C16orf96: variants seen among roughly 807,000 people sequenced by gnomAD.
The protein encoded by C16orf96 is chromosome 16 open reading frame 96, also known as uncharacterized protein C16orf96.
Under a neutral mutation model 103.6 loss-of-function variants are expected in C16orf96, and 108 were observed. That is an observed-to-expected ratio of 1.04 (90% confidence interval 0.89 to 1.22). The LOEUF is 1.22. C16orf96 is among the 50% of genes most tolerant of loss of function. The probability of loss-of-function intolerance (pLI) is 0.00; values close to 1 mark genes in which losing one functional copy is unlikely to be tolerated. For missense variants in C16orf96, 1,586 were observed against 1,464.2 expected (o/e 1.08, Z -1.36); for synonymous variants, 566 against 593.5 (o/e 0.95, Z 0.67).
At position 4,600,657 on chromosome 16, in the gene C16orf96, A is replaced by G; in HGVS notation, c.*340A>G. 3.1e-6 allele frequency: 1 copy of G among 324,544 alleles called. No individual in the cohort carries two copies. The highest frequency in any genetic ancestry group is 7.3e-5 in the East Asian group (1 of 13,728). 20.1% of individuals were successfully genotyped at this position (324,544 alleles called of 1,614,324 possible). A position where few individuals can be genotyped will look rare whatever the true frequency, so the allele number is the denominator to read the frequency against. On this transcript the variant is annotated 3_prime_UTR_variant, in exon 16 of 16. Transcript: ENST00000444310. Reference sequence around the variant, plus strand: ...GGAGGGGTCTGTGTAGGGGACCCCCATGCTGACCCAGTGGCTGTTTTATCC... The same window carrying G: ...GGAGGGGTCTGTGTAGGGGACCCCCGTGCTGACCCAGTGGCTGTTTTATCC...
In C16orf96 at chr16:4,600,089, C is replaced by A; in HGVS notation, c.3209-11C>A. On this transcript the variant is annotated splice_polypyrimidine_tract_variant and intron_variant, in intron 15 of 15. Coordinates refer to ENST00000444310, the MANE Select transcript of C16orf96 (RefSeq NM_001145011.2). ...TGGCACACATCTAGGGTTTCTCCTG[C>A]CCCTCCCCAGCCCTGTGCCCCCGCT... 1 of 1,549,630 alleles carries A rather than the reference C, an allele frequency of 6.5e-7. No individual in the cohort carries two copies. The highest frequency in any genetic ancestry group is 8.7e-7 in the Non-Finnish European group (1 of 1,146,436).
At position 4,588,257 on chromosome 16, in the gene C16orf96, C is replaced by T. The variant is rs1216276378; in HGVS notation, c.2518C>T (p.Leu840Phe). ...GCTGAACGAGATGATTCAGGGCATA[C>T]TCTTCAAGGTCACGATCCATGAGGA... ...LELNEMIQGI[L>F]FKVTIHEDSW... The change falls in exon 9 of 16, where the codon CTC (leucine) becomes TTC (phenylalanine). Residue 840 changes from leucine (L) to phenylalanine (F), a missense_variant. Transcript: ENST00000444310. The T allele has an allele frequency of 6.4e-7, 1 of 1,551,718 alleles. No homozygotes were observed. Among genetic ancestry groups the T allele is most frequent in the East Asian group, 2.4e-5 (1 of 40,926 alleles).
Position 4,578,970 on chromosome 16 carries a change from C to T in C16orf96, c.2186C>T (p.Thr729Ile), listed in dbSNP as rs2059548016. 2 of 1,551,236 alleles carry T rather than the reference C, an allele frequency of 1.3e-6. No homozygotes were observed. The highest frequency in any genetic ancestry group is 1.7e-6 in the Non-Finnish European group (2 of 1,146,900). The change falls in exon 6 of 16, where the codon ACA becomes ATA. Residue 729 changes from threonine to isoleucine, a missense_variant. By Grantham distance (89) the Thr-to-Ile change is moderately conservative. Coordinates refer to ENST00000444310, the MANE Select transcript of C16orf96 (RefSeq NM_001145011.2). ...ATGGGAGGTCCTTCCAGCCTCGGGACAACAGTGGACATATTGCAGAAAAAG... is the reference window on the plus strand; with the variant it reads ...ATGGGAGGTCCTTCCAGCCTCGGGATAACAGTGGACATATTGCAGAAAAAG... ...ANMGGPSSLG[T>I]TVDILQKKIG...
chr16:4,591,987 A>T (rs1171398226), intron 10 of C16orf96, among the ~76,000 whole-genome samples: 1 of 152,154 alleles, frequency 6.6e-6, no homozygotes, highest in African/African-American at 2.4e-5. Flanking sequence ...CAATGGGGAA[A>T]CCAAGGCTCA....
the C16orf96 span, among the ~76,000 whole-genome samples, chr16:4,551,103 C>G: frequency 2.6e-5 from 4 of 152,132 alleles, no homozygotes; most frequent in Non-Finnish European, 5.9e-5. Flanking sequence ...TGAGACCCAT[C>G]TCCGCAATAA....
intron 1 of C16orf96, chr16:4,560,816 G>A (rs1327563336): frequency 6.7e-6 from 1 of 149,826 alleles, no homozygotes; most frequent in African/African-American, 2.5e-5. Context: ...CTGTCTCTAC[G>A]AAAAAAAGAC....
the C16orf96 span, among the ~76,000 whole-genome samples, chr16:4,550,981 A>G: frequency 6.6e-6 from 1 of 152,328 alleles, no homozygotes; most frequent in African/African-American, 2.4e-5. Flanking sequence ...TGATACAGAA[A>G]AGTGCTCAGG....
At chr16:4,562,225 C>T (rs8044245) in intron 1 of C16orf96, among the ~76,000 whole-genome samples, 1 of 151,908 alleles carries the variant, frequency 6.6e-6, no homozygotes, top group Non-Finnish European at 1.5e-5. Flanking sequence ...CTGTAATCCC[C>T]GCACTTTGAG....
Position 4,600,283 on chromosome 16 carries a change from G to A in C16orf96, c.3392G>A (p.Gly1131Asp). The change falls in exon 16 of 16, where the codon GGC becomes GAC. Residue 1131 changes from glycine to aspartate, a missense_variant. Coordinates refer to ENST00000444310, the MANE Select transcript of C16orf96 (RefSeq NM_001145011.2). ...GCTCCACACATTGAGTCCCGAGTCG[G>A]CAGGAAGCCCCCCGAGGAGCCCGCC... Reference protein sequence around the residue: ...SRAPHIESRVGRKPPEEPANP With the variant: ...SRAPHIESRVDRKPPEEPANP 6.4e-7 allele frequency: 1 copy of A among 1,551,072 alleles called. No homozygotes were observed. Among genetic ancestry groups the A allele is most frequent in the South Asian group, 1.2e-5 (1 of 84,054 alleles).
At chr16:4,573,786 C>T (rs1214978374) in intron 2 of C16orf96, among the ~76,000 whole-genome samples, 1 of 148,698 alleles carries the variant, frequency 6.7e-6, no homozygotes, top group African/African-American at 2.5e-5. Context: ...AAAAGAAAAA[C>T]AATGCCTTAT....
At chr16:4,549,700 A>G in the C16orf96 span, among the ~76,000 whole-genome samples, 1 of 152,078 alleles carries the variant, frequency 6.6e-6, no homozygotes, top group Non-Finnish European at 1.5e-5. Context: ...TGGGAGGCTG[A>G]GGCAGGAGAA....
chr16:4,554,526 A>T (rs576832798), upstream of C16orf96, among the ~76,000 whole-genome samples: 2 of 150,506 alleles, frequency 1.3e-5, no homozygotes, highest in African/African-American at 4.9e-5. Context: ...AATTTTTTGT[A>T]TATTTTTTGA....
At chr16:4,540,598 A>G in the C16orf96 span, among the ~76,000 whole-genome samples, 2 of 151,652 alleles carry the variant, frequency 1.3e-5, no homozygotes, top group South Asian at 4.2e-4. Context: ...CCCGGCATAC[A>G]CGCCTGTAAT....
At chr16:4,547,668 CCTTG>C in the C16orf96 span, among the ~76,000 whole-genome samples, 36 of 67,698 alleles carry the variant, frequency 5.3e-4, no homozygotes, top group African/African-American at 1.5e-3. Flanking sequence ...TTCCTTCCTT[CCTTG>C]CTTCCTTCCT....
intron 7 of C16orf96, among the ~76,000 whole-genome samples, chr16:4,584,261 C>T (rs908774149): frequency 1.5e-5 from 2 of 132,286 alleles, no homozygotes; most frequent in Admixed American, 8.9e-5. Context: ...AATCATGGCT[C>T]AGTGCAGCCT....
chr16:4,594,402 G>A lies in C16orf96; in HGVS notation c.2919G>A (p.Gln973=). 1 of 1,551,378 alleles carries A rather than the reference G, an allele frequency of 6.4e-7. No individual in the cohort carries two copies. The highest frequency in any genetic ancestry group is 2.4e-5 in the East Asian group (1 of 40,916). The change falls in exon 13 of 16, where the codon CAG becomes CAA. Residue 973 remains glutamine, a synonymous_variant. Transcript: ENST00000444310. ...ACCTCGGTATCCAGGAGGATTGTCA[G>A]CAGGACTGGGGTGATGGCCCCCAAA... ...LQDLGIQEDC[Q]QDWGDGPQNA...
At chr16:4,567,280 C>CTTTTTTTTTTTTTTTTT (rs71139642) in intron 1 of C16orf96, among the ~76,000 whole-genome samples, 1 of 62,602 alleles carries the variant, frequency 1.6e-5, no homozygotes, top group Non-Finnish European at 2.9e-5. Flanking sequence ...TATTTCTTTT[C>CTTTTTTTTTTTTTTTTT]TTTTTTTTTT....
the C16orf96 span, among the ~76,000 whole-genome samples, chr16:4,548,165 G>C: frequency 6.6e-6 from 1 of 152,102 alleles, no homozygotes; most frequent in African/African-American, 2.4e-5. Flanking sequence ...ACGCAGGCCC[G>C]GAGACAGGAC....
At chr16:4,585,843 G>A (rs1314803706) in intron 7 of C16orf96, among the ~76,000 whole-genome samples, 2 of 152,192 alleles carry the variant, frequency 1.3e-5, no homozygotes, top group Non-Finnish European at 2.9e-5. Flanking sequence ...CAACTCAGGA[G>A]TGGAAAGCAA....
Sources: allele counts gnomAD v4.1 joint callset (sites outside exome capture counted in the v4.1 genomes callset), GRCh38; gene constraint gnomAD v4.1.1; transcripts MANE v1.5; gene names NCBI Gene and HGNC (gene_info 2026-07-23, HGNC 2026-07-21).